Variants in SCYL1 observed in about 807,000 individuals in gnomAD.
The protein encoded by SCYL1 is SCY1 like pseudokinase 1, also known as N-terminal kinase-like protein.
SCYL1 carries 85 observed loss-of-function variants against 94.8 expected under a neutral mutation model. The ratio of observed to expected loss-of-function variants is 0.90; its 90% confidence interval spans 0.75 to 1.07. The LOEUF (loss-of-function observed/expected upper bound fraction) is 1.07, where lower values mean the gene tolerates loss of function less well. Among genes scored for constraint, SCYL1 ranks in the 50% least tolerant of loss-of-function variants. SCYL1 has a pLI of 0.00. For missense variants in SCYL1, 968 were observed against 1,083.3 expected (o/e 0.89, Z 1.49); for synonymous variants, 459 against 435.5 (o/e 1.05, Z -0.67).
rs1233990219 is a variant in SCYL1, at chr11:65,525,269, G to A, written c.111+5G>A. On this transcript the variant is annotated splice_donor_5th_base_variant and intron_variant, in intron 1 of 17. Coordinates refer to ENST00000270176, the MANE Select transcript of SCYL1 (RefSeq NM_020680.4). Reference sequence around the variant, plus strand: ...CTGCACCGCGGCCGCAAGAAGGTGAGTGCGGCCGAGCTCCGTAGGCCGCGG... The same window carrying A: ...CTGCACCGCGGCCGCAAGAAGGTGAATGCGGCCGAGCTCCGTAGGCCGCGG... 21 of 1,423,074 alleles carry A rather than the reference G, an allele frequency of 1.5e-5. No individual in the cohort carries two copies. The highest frequency in any genetic ancestry group is 1.9e-5 in the Non-Finnish European group (21 of 1,084,232). The allele number at this position is 1,423,074 out of a possible 1,614,324, so 88.2% of individuals were successfully genotyped here.
At position 65,531,456 on chromosome 11, in the gene SCYL1, G is replaced by A. The variant is rs1348559911; in HGVS notation, c.1009-120G>A. The A allele has an allele frequency of 1.1e-5, 8 of 718,858 alleles. No individual in the cohort carries two copies. In the East Asian group the frequency reaches 2.2e-4, roughly 19 times the overall value. The allele number at this position is 718,858 out of a possible 1,614,324, so 44.5% of individuals were successfully genotyped here. On this transcript the variant is annotated intron_variant, in intron 7 of 17. Coordinates refer to ENST00000270176, the MANE Select transcript of SCYL1 (RefSeq NM_020680.4). ...TAGAGGAGCTACTGAGGAAATGCCT[G>A]CCCCCCCCTCCGCCATCACTTCATT...
At position 65,530,754 on chromosome 11, in the gene SCYL1, T is replaced by C; in HGVS notation, c.975T>C (p.Asn325=). ...TGCTGACCGCCTTCGAGTTCGGCAA[T>C]GCTGGGGCCGTTGTCCTCACGCCCC... ...PQLLTAFEFG[N]AGAVVLTPLF... is the part of the protein sequence containing the mutation. Residue 325 remains asparagine (N), a synonymous_variant, in exon 7 of 18, where the codon AAT becomes AAC. Coordinates refer to ENST00000270176, the MANE Select transcript of SCYL1 (RefSeq NM_020680.4). 6.2e-7 allele frequency: 1 copy of C among 1,613,756 alleles called. No homozygotes were observed. Among genetic ancestry groups the C allele is most frequent in the Non-Finnish European group, 8.5e-7 (1 of 1,179,914 alleles).
At position 65,525,253 on chromosome 11, in the gene SCYL1, G is replaced by C; in HGVS notation, c.100G>C (p.Gly34Arg). 1.4e-6 allele frequency: 2 copies of C among 1,443,842 alleles called. No individual in the cohort carries two copies. Among genetic ancestry groups the C allele is most frequent in the Non-Finnish European group, 9.1e-7 (1 of 1,095,852 alleles). The allele number at this position is 1,443,842 out of a possible 1,614,324, so 89.4% of individuals were successfully genotyped here. A position where few individuals can be genotyped will look rare whatever the true frequency, so the allele number is the denominator to read the frequency against. ...GLPGPWALHR[G>R]RKKATGSPVS... ...GCCCGGGCCCTGGGCCCTGCACCGC[G>C]GCCGCAAGAAGGTGAGTGCGGCCGA... Residue 34 changes from glycine to arginine, a missense_variant, in exon 1 of 18, where the codon GGC becomes CGC. Physicochemically the swap from Gly to Arg is moderately radical, Grantham distance 125. Coordinates refer to ENST00000270176, the MANE Select transcript of SCYL1 (RefSeq NM_020680.4).
Position 65,536,031 on chromosome 11 carries a change from C to T in SCYL1, c.1465C>T (p.Leu489=). Residue 489 remains leucine, a synonymous_variant, in exon 11 of 18, where the codon CTG becomes TTG. Transcript: ENST00000270176. The part of the protein sequence containing the change: ...PFAPSRVAGV[L]GFAATHNLYS... ...TGCACCGTCCCGGGTTGCGGGTGTC[C>T]TGGGCTTTGCTGCCACCCACAACCT... The T allele has an allele frequency of 6.2e-7, 1 of 1,614,190 alleles. No individual in the cohort carries two copies. The highest frequency in any genetic ancestry group is 8.5e-7 in the Non-Finnish European group (1 of 1,180,006).
chr11:65,536,742 C>T lies in SCYL1; in HGVS notation c.1808C>T (p.Thr603Met), dbSNP rs752403987. Residue 603 changes from threonine to methionine, a missense_variant, in exon 13 of 18, where the codon ACG becomes ATG. Transcript: ENST00000270176. ...GAAACCAACATTCCCCAAAGACCCA[C>T]GCCTGAAGGTGAGTGTCCTGGCCTA... The part of the protein sequence containing the change: ...PTETNIPQRP[T>M]PEGVPAPAPT... 63 of 1,601,236 alleles carry T rather than the reference C, an allele frequency of 3.9e-5. No homozygotes were observed. Among genetic ancestry groups the T allele is most frequent in the Admixed American group, 8.4e-5 (5 of 59,564 alleles).
In SCYL1 at chr11:65,532,707, C is replaced by T; in HGVS notation, c.1132C>T (p.Gln378Ter). 3 of 1,613,928 alleles carry T rather than the reference C, an allele frequency of 1.9e-6. No individual in the cohort carries two copies. Among genetic ancestry groups the T allele is most frequent in the Non-Finnish European group, 2.5e-6 (3 of 1,179,820 alleles). The change falls in exon 9 of 18, where the codon CAG (glutamine) becomes TAG (stop). Residue 378 changes from glutamine (Q) to a stop codon, truncating the protein, a stop_gained. Coordinates refer to ENST00000270176, the MANE Select transcript of SCYL1 (RefSeq NM_020680.4). LOFTEE classifies it high-confidence loss of function. The part of the protein sequence containing the change: ...RLLQQMEQFI[Q>*]YLDEPTVNTQ... ...TGGGCCACAGATGGAGCAGTTCATC[C>T]AGTACCTTGACGAGCCAACAGTCAA...
At position 65,538,326 on chromosome 11, in the gene SCYL1, T is replaced by C; in HGVS notation, c.2302+2T>C. ...GGGAGGGCCTCGAGACTGACAGTCG[T>C]AAGTGCTTCCCCTGGGTGGGCTGAA... On this transcript the variant is annotated splice_donor_variant, in intron 17 of 17. Coordinates refer to ENST00000270176, the MANE Select transcript of SCYL1 (RefSeq NM_020680.4). LOFTEE classifies it high-confidence loss of function. The C allele has an allele frequency of 6.5e-7, 1 of 1,548,012 alleles. No homozygotes were observed. Among genetic ancestry groups the C allele is most frequent in the Non-Finnish European group, 8.7e-7 (1 of 1,144,932 alleles).
intron 6 of SCYL1, among the ~76,000 whole-genome samples, chr11:65,529,099 G>C (rs550276317): frequency 6.6e-6 from 1 of 152,186 alleles, no homozygotes; most frequent in African/African-American, 2.4e-5. Context: ...GGAAGACAGC[G>C]GGGGCTGAGA....
At chr11:65,532,671 G>C in intron 8 of SCYL1, 21 bp from the exon 9 acceptor site, 1 of 1,577,408 alleles carries the variant, frequency 6.3e-7, no homozygotes, top group Non-Finnish European at 8.7e-7. Context: ...CCATGTTGAC[G>C]CATCCCAACC....
At chr11:65,525,764 A>T in intron 2 of SCYL1, 50 bp downstream of exon 2, 1 of 1,605,070 alleles carries the variant, frequency 6.2e-7, no homozygotes, top group Non-Finnish European at 8.5e-7. Context: ...TGTCCTGGTT[A>T]CCCACTCCTG....
chr11:65,525,983 G>A lies in SCYL1; in HGVS notation c.315G>A (p.Ala105=), dbSNP rs141488946. The A allele has an allele frequency of 1.8e-4, 297 of 1,613,502 alleles. No individual in the cohort carries two copies. The African/African-American group carries it at 3.4e-3, about 18-fold the overall frequency. ...CCCCGTTGGGAATATACCTCAAGGCGAGAGTGGAGGCTGGTGGCCTGAAGG... is the reference window on the plus strand; with the variant it reads ...CCCCGTTGGGAATATACCTCAAGGCAAGAGTGGAGGCTGGTGGCCTGAAGG... ...AVTPLGIYLK[A]RVEAGGLKEL... The change falls in exon 3 of 18, where the codon GCG becomes GCA. Residue 105 remains alanine (A), a synonymous_variant. Coordinates refer to ENST00000270176, the MANE Select transcript of SCYL1 (RefSeq NM_020680.4).
chr11:65,536,154 T>TGGGCCTG lies in SCYL1; in HGVS notation c.1575+16_1575+22dup, dbSNP rs1855629174. 6.2e-7 allele frequency: 1 copy of TGGGCCTG among 1,611,000 alleles called. No individual in the cohort carries two copies. ...CGTGCGAGACCAGGTGAGGCACAGCTGGGCCTGGGCCCTGGGCTGGGGCTG... is the reference window on the plus strand; with the variant it reads ...CGTGCGAGACCAGGTGAGGCACAGCTGGGCCTGGGGCCTGGGCCCTGGGCTGGGGCTG... On this transcript the variant is annotated intron_variant, in intron 11 of 17. Transcript: ENST00000270176.
At position 65,536,971 on chromosome 11, in the gene SCYL1, G is replaced by C. The variant is rs1371138629; in HGVS notation, c.1817-15G>C. 1 of 1,606,744 alleles carries C rather than the reference G, an allele frequency of 6.2e-7. No homozygotes were observed. The stretch of plus-strand genomic sequence containing the variant: ...CAAGACCCCCCTGAAAGCTCAGTGA[G>C]CCTCTGCTCCCCAGGAGTTCCTGCC... On this transcript the variant is annotated splice_polypyrimidine_tract_variant and intron_variant, in intron 13 of 17. Transcript: ENST00000270176.
At chr11:65,532,935 G>A in intron 9 of SCYL1, 130 bp downstream of exon 9, 1 of 681,710 alleles carries the variant, frequency 1.5e-6, no homozygotes, top group South Asian at 1.7e-5. Flanking sequence ...GTGGGTTCAG[G>A]CCGTGGGTGC....
chr11:65,535,410 C>G (rs771951838), intron 10 of SCYL1, 28 bp downstream of exon 10: 9 of 1,607,312 alleles, frequency 5.6e-6, no homozygotes, highest in Non-Finnish European at 7.7e-6. Context: ...CTGCTGGAGC[C>G]CGGTCCCTGT....
chr11:65,536,547 A>G (rs765284635), intron 12 of SCYL1, 39 bp from the exon 13 acceptor site: 1 of 1,609,724 alleles, frequency 6.2e-7, no homozygotes, highest in Non-Finnish European at 8.5e-7. Context: ...TGGGTGCCTG[A>G]CGTGCCCATA....
At chr11:65,530,851 C>CTGGGGTAG in intron 7 of SCYL1, 64 bp downstream of exon 7, 1 of 1,540,006 alleles carries the variant, frequency 6.5e-7, no homozygotes, top group South Asian at 1.2e-5. Context: ...AGAGAAGGCC[C>CTGGGGTAG]TGGGGTAGGG....
At chr11:65,533,413 ACT>A (rs964876633) in intron 9 of SCYL1, among the ~76,000 whole-genome samples, 1 of 151,886 alleles carries the variant, frequency 6.6e-6, no homozygotes, top group African/African-American at 2.4e-5. Flanking sequence ...CAAGAGGGAA[ACT>A]CTGTTTCAAA....
At position 65,526,474 on chromosome 11, in the gene SCYL1, C is replaced by T; in HGVS notation, c.602+124C>T. Reference sequence around the variant, plus strand: ...GCCTGGCTGGGGAGGGAATCAGTGTCCCAGGAGTGAGGGACACTCCTCTGC... The same window carrying T: ...GCCTGGCTGGGGAGGGAATCAGTGTTCCAGGAGTGAGGGACACTCCTCTGC... On this transcript the variant is annotated intron_variant, in intron 4 of 17. Coordinates refer to ENST00000270176, the MANE Select transcript of SCYL1 (RefSeq NM_020680.4). The surrounding 1 kb of genome is among the most constrained non-coding windows in gnomAD (Gnocchi z 4.1). The T allele has an allele frequency of 1.2e-6, 1 of 835,964 alleles. No homozygotes were observed. The highest frequency in any genetic ancestry group is 1.9e-6 in the Non-Finnish European group (1 of 539,102). The allele number at this position is 835,964 out of a possible 1,614,324, so 51.8% of individuals were successfully genotyped here.
Sources: gnomAD v4.1 joint callset for allele counts (sites outside exome capture counted in the v4.1 genomes callset) on GRCh38, gnomAD v4.1.1 for gene constraint, Gnocchi (gnomAD v3.1) non-coding constraint, MANE v1.5 for transcripts, NCBI Gene and HGNC (gene_info 2026-07-23, HGNC 2026-07-21) for gene names.